The following SPN variants were observed in gnomAD, a reference collection of about 807,000 sequenced individuals.
The protein encoded by SPN is leukosialin.
In SPN, 6 loss-of-function variants were observed where a neutral mutation model predicts 8.4. The observed-to-expected ratio is 0.72, with a 90% confidence interval of 0.39 to 1.42. The LOEUF (loss-of-function observed/expected upper bound fraction) is 1.42, where lower values mean the gene tolerates loss of function less well. Among genes scored for constraint, SPN ranks in the 40% most tolerant of loss-of-function variants. The pLI is 0.02. For missense variants in SPN, 517 were observed against 530.6 expected (o/e 0.97, Z 0.25); for synonymous variants, 201 against 222.6 (o/e 0.90, Z 0.86).
Position 29,664,314 on chromosome 16 carries a change from A to T in SPN, c.586A>T (p.Thr196Ser). The change falls in exon 2 of 2, where the codon ACC becomes TCC. Residue 196 changes from threonine to serine, a missense_variant. Coordinates refer to ENST00000652691, the MANE Select transcript of SPN (RefSeq NM_003123.6). This position sits in a 1 kb window ranked among gnomAD's most constrained non-coding sequence, Gnocchi z 6.4. Reference sequence around the variant, plus strand: ...TACCATGGCAACTGACTCTCTGGAGACCTCCACTGGGACCACTGGACCCCC... The same window carrying T: ...TACCATGGCAACTGACTCTCTGGAGTCCTCCACTGGGACCACTGGACCCCC... ...PVTMATDSLE[T>S]STGTTGPPVT... 2 of 1,612,418 alleles carry T rather than the reference A, an allele frequency of 1.2e-6. No homozygotes were observed. The highest frequency in any genetic ancestry group is 2.2e-5 in the South Asian group (2 of 91,030).
chr16:29,665,008 C>G lies in SPN; in HGVS notation c.*77C>G, dbSNP rs1209059831. 6.3e-6 allele frequency: 8 copies of G among 1,274,924 alleles called. No homozygotes were observed. Among genetic ancestry groups the G allele is most frequent in the Non-Finnish European group, 7.0e-6 (7 of 1,003,262 alleles). The allele number at this position is 1,274,924 out of a possible 1,614,324, so 79.0% of individuals were successfully genotyped here. ...CCTTCCCTCTCACCATCCCACTGCC[C>G]CCTCGCTCCCATGTTTCCACCCGGC... On this transcript the variant is annotated 3_prime_UTR_variant, in exon 2 of 2. Transcript: ENST00000652691.
At position 29,667,222 on chromosome 16, in the gene SPN, G is replaced by A. The variant is rs918702536; in HGVS notation, c.*2291G>A. On this transcript the variant is annotated 3_prime_UTR_variant, in exon 2 of 2. Coordinates refer to ENST00000652691, the MANE Select transcript of SPN (RefSeq NM_003123.6). ...GCAGCTGCAGAATGACAGAGGCCAT[G>A]TCCAAAATCCCTTAGAGACACTGTT... The A allele has an allele frequency of 2.8e-6, 1 of 360,310 alleles. No homozygotes were observed. Among genetic ancestry groups the A allele is most frequent in the African/African-American group, 2.1e-5 (1 of 46,570 alleles). The allele number at this position is 360,310 out of a possible 1,614,324, so 22.3% of individuals were successfully genotyped here. A position where few individuals can be genotyped will look rare whatever the true frequency, so the allele number is the denominator to read the frequency against.
In SPN at chr16:29,664,617, A is replaced by G; in HGVS notation, c.889A>G (p.Asn297Asp). The G allele has an allele frequency of 6.3e-7, 1 of 1,596,888 alleles. No individual in the cohort carries two copies. Among genetic ancestry groups the G allele is most frequent in the Non-Finnish European group, 8.5e-7 (1 of 1,171,842 alleles). ...ALVLSRGGKR[N>D]GVVDAWAGPA... is the part of the protein sequence containing the mutation. ...CGTGCTGAGCAGAGGCGGCAAGCGTAACGGGGTGGTGGACGCCTGGGCTGG... is the reference window on the plus strand; with the variant it reads ...CGTGCTGAGCAGAGGCGGCAAGCGTGACGGGGTGGTGGACGCCTGGGCTGG... The change falls in exon 2 of 2, where the codon AAC becomes GAC. Residue 297 changes from asparagine to aspartate, a missense_variant. Asn to Asp is a conservative substitution (Grantham distance 23). Coordinates refer to ENST00000652691, the MANE Select transcript of SPN (RefSeq NM_003123.6). This position sits in a 1 kb window ranked among gnomAD's most constrained non-coding sequence, Gnocchi z 6.4.
In SPN at chr16:29,666,771, G is replaced by A. The variant is rs1467676711; in HGVS notation, c.*1840G>A. On this transcript the variant is annotated 3_prime_UTR_variant, in exon 2 of 2. Coordinates refer to ENST00000652691, the MANE Select transcript of SPN (RefSeq NM_003123.6). ...GCCTGGAGCCAGGGACTTCCCCTGT[G>A]GGGCCTGGGTGGAGAGGGGAGAACT... The A allele has an allele frequency of 2.5e-6, 1 of 404,758 alleles. No individual in the cohort carries two copies. Among genetic ancestry groups the A allele is most frequent in the East Asian group, 7.2e-5 (1 of 13,868 alleles). 25.1% of individuals were successfully genotyped at this position (404,758 alleles called of 1,614,324 possible).
Position 29,664,885 on chromosome 16 carries a change from C to A in SPN, c.1157C>A (p.Ala386Asp). ...LVASEDGAVD[A>D]PAPDEPEGGD... ...GCCAGTGAGGATGGGGCTGTGGACGCCCCAGCTCCTGATGAGCCCGAAGGG... is the reference window on the plus strand; with the variant it reads ...GCCAGTGAGGATGGGGCTGTGGACGACCCAGCTCCTGATGAGCCCGAAGGG... Residue 386 changes from alanine to aspartate, a missense_variant, in exon 2 of 2, where the codon GCC (alanine) becomes GAC (aspartate). Transcript: ENST00000652691. The surrounding 1 kb of genome is among the most constrained non-coding windows in gnomAD (Gnocchi z 6.4). 1 of 1,460,620 alleles carries A rather than the reference C, an allele frequency of 6.8e-7. No individual in the cohort carries two copies. Among genetic ancestry groups the A allele is most frequent in the Non-Finnish European group, 9.0e-7 (1 of 1,107,230 alleles). 90.5% of individuals were successfully genotyped at this position (1,460,620 alleles called of 1,614,324 possible).
chr16:29,666,723 C>A lies in SPN; in HGVS notation c.*1792C>A. 2.7e-6 allele frequency: 1 copy of A among 373,120 alleles called. No homozygotes were observed. The highest frequency in any genetic ancestry group is 5.6e-6 in the Non-Finnish European group (1 of 179,754). 23.1% of individuals were successfully genotyped at this position (373,120 alleles called of 1,614,324 possible). On this transcript the variant is annotated 3_prime_UTR_variant, in exon 2 of 2. Transcript: ENST00000652691. ...GCCCCTTCCATCCTCCAAGAGGAAC[C>A]AGTGAGAGTGAGTGAAGGAGGGGCC...
Position 29,665,043 on chromosome 16 carries a change from C to G in SPN, c.*112C>G. ...CATGTTTCCACCCGGCACCCTGATC[C>G]TCACCCGAATCTCCTTTTTTTTTTT... is the stretch of plus-strand genomic sequence containing the variant. On this transcript the variant is annotated 3_prime_UTR_variant, in exon 2 of 2. Coordinates refer to ENST00000652691, the MANE Select transcript of SPN (RefSeq NM_003123.6). The G allele has an allele frequency of 1.7e-6, 2 of 1,181,814 alleles. No individual in the cohort carries two copies. Among genetic ancestry groups the G allele is most frequent in the Non-Finnish European group, 2.2e-6 (2 of 926,464 alleles). The allele number at this position is 1,181,814 out of a possible 1,614,324, so 73.2% of individuals were successfully genotyped here.
At position 29,664,116 on chromosome 16, in the gene SPN, G is replaced by A. The variant is rs761473575; in HGVS notation, c.388G>A (p.Val130Met). The A allele has an allele frequency of 1.9e-5, 30 of 1,613,908 alleles. No homozygotes were observed. Among genetic ancestry groups the A allele is most frequent in the Middle Eastern group, 1.6e-4 (1 of 6,084 alleles). Residue 130 changes from valine (V) to methionine (M), a missense_variant, in exon 2 of 2, where the codon GTG becomes ATG. Physicochemically the swap from Val to Met is conservative, Grantham distance 21 (BLOSUM62 1). Transcript: ENST00000652691. The surrounding 1 kb of genome is among the most constrained non-coding windows in gnomAD (Gnocchi z 6.4). ...AGCAAACTCTCTAGGATCCCACACC[G>A]TGACAGGTGGAACCATAACAACGAA... ...ITANSLGSHTVTGGTITTNSP... is the reference protein window; with the variant it reads ...ITANSLGSHTMTGGTITTNSP...
In SPN at chr16:29,665,002, A is replaced by C; in HGVS notation, c.*71A>C. The C allele has an allele frequency of 7.8e-7, 1 of 1,285,102 alleles. No individual in the cohort carries two copies. The highest frequency in any genetic ancestry group is 9.9e-7 in the Non-Finnish European group (1 of 1,010,394). 79.6% of individuals were successfully genotyped at this position (1,285,102 alleles called of 1,614,324 possible). A position where few individuals can be genotyped will look rare whatever the true frequency, so the allele number is the denominator to read the frequency against. The stretch of plus-strand genomic sequence containing the variant: ...CCAGCACCTTCCCTCTCACCATCCC[A>C]CTGCCCCCTCGCTCCCATGTTTCCA... On this transcript the variant is annotated 3_prime_UTR_variant, in exon 2 of 2. Transcript: ENST00000652691.
Position 29,666,361 on chromosome 16 carries a change from G to A in SPN, c.*1430G>A, listed in dbSNP as rs945837983. ...CACTTCAGCCTGGGCAACAGAGTGA[G>A]CCCCTGTCTCAAAAAAGAAAAGAAA... On this transcript the variant is annotated 3_prime_UTR_variant, in exon 2 of 2. Coordinates refer to ENST00000652691, the MANE Select transcript of SPN (RefSeq NM_003123.6). The A allele has an allele frequency of 6.0e-6, 1 of 167,054 alleles. No individual in the cohort carries two copies. Among genetic ancestry groups the A allele is most frequent in the Non-Finnish European group, 1.5e-5 (1 of 68,834 alleles). The allele number at this position is 167,054 out of a possible 1,614,324, so 10.3% of individuals were successfully genotyped here. A position where few individuals can be genotyped will look rare whatever the true frequency, so the allele number is the denominator to read the frequency against.
Position 29,665,044 on chromosome 16 carries a change from T to C in SPN, c.*113T>C. 1 of 1,147,176 alleles carries C rather than the reference T, an allele frequency of 8.7e-7. No individual in the cohort carries two copies. Among genetic ancestry groups the C allele is most frequent in the Non-Finnish European group, 1.1e-6 (1 of 897,100 alleles). The allele number at this position is 1,147,176 out of a possible 1,614,324, so 71.1% of individuals were successfully genotyped here. On this transcript the variant is annotated 3_prime_UTR_variant, in exon 2 of 2. Coordinates refer to ENST00000652691, the MANE Select transcript of SPN (RefSeq NM_003123.6). ...ATGTTTCCACCCGGCACCCTGATCCTCACCCGAATCTCCTTTTTTTTTTTC... is the reference window on the plus strand; with the variant it reads ...ATGTTTCCACCCGGCACCCTGATCCCCACCCGAATCTCCTTTTTTTTTTTC...
Position 29,664,333 on chromosome 16 carries a change from GA to G in SPN, c.606del (p.Pro204LeufsTer4), listed in dbSNP as rs749588676. The G allele has an allele frequency of 6.2e-7, 1 of 1,613,482 alleles. No individual in the cohort carries two copies. Among genetic ancestry groups the G allele is most frequent in the Admixed American group, 1.7e-5 (1 of 60,006 alleles). Reference protein sequence around the residue: ...DSLETSTGTTGPPVTMTTGSL... With the variant: ...DSLETSTGTTXPPVTMTTGSL... ...CTGGAGACCTCCACTGGGACCACTG[GA>G]CCCCCTGTTACCATGACAACTGGCT... On this transcript the variant is annotated frameshift_variant, in exon 2 of 2. Transcript: ENST00000652691. LOFTEE classifies it high-confidence loss of function. The surrounding 1 kb of genome is among the most constrained non-coding windows in gnomAD (Gnocchi z 6.4).
Position 29,665,238 on chromosome 16 carries a change from T to G in SPN, c.*307T>G. 4.0e-6 allele frequency: 1 copy of G among 251,084 alleles called. No homozygotes were observed. The highest frequency in any genetic ancestry group is 7.7e-6 in the Non-Finnish European group (1 of 129,260). The allele number at this position is 251,084 out of a possible 1,614,324, so 15.6% of individuals were successfully genotyped here. On this transcript the variant is annotated 3_prime_UTR_variant, in exon 2 of 2. Coordinates refer to ENST00000652691, the MANE Select transcript of SPN (RefSeq NM_003123.6). Reference sequence around the variant, plus strand: ...CCCAGCTGCTTTTTTGTATTTTTGGTAGAGATGGGGTTTCACCATGTTGGC... The same window carrying G: ...CCCAGCTGCTTTTTTGTATTTTTGGGAGAGATGGGGTTTCACCATGTTGGC...
rs1228082592 is a variant in SPN at position 29,667,583 on chromosome 16, C to T, written c.*2652C>T. ...ATGAGGTCAGGAGTTTGAGACCAGCCTGGCCAATATGATGAAACCCCGTTT... is the reference window on the plus strand; with the variant it reads ...ATGAGGTCAGGAGTTTGAGACCAGCTTGGCCAATATGATGAAACCCCGTTT... On this transcript the variant is annotated 3_prime_UTR_variant, in exon 2 of 2. Transcript: ENST00000652691. 2 of 156,030 alleles carry T rather than the reference C, an allele frequency of 1.3e-5. No individual in the cohort carries two copies. The highest frequency in any genetic ancestry group is 2.9e-5 in the Non-Finnish European group (2 of 68,274). The allele number at this position is 156,030 out of a possible 1,614,324, so 9.7% of individuals were successfully genotyped here. A position where few individuals can be genotyped will look rare whatever the true frequency, so the allele number is the denominator to read the frequency against.
chr16:29,664,607 C>T lies in SPN; in HGVS notation c.879C>T (p.Gly293=), dbSNP rs1050881. 0.089 allele frequency: 142,011 copies of T among 1,602,388 alleles called. 11,764 individuals carry two copies. The highest frequency in any genetic ancestry group is 0.34 in the East Asian group (15,185 of 44,578). The change falls in exon 2 of 2, where the codon GGC becomes GGT. Residue 293 remains glycine (G), a synonymous_variant. Coordinates refer to ENST00000652691, the MANE Select transcript of SPN (RefSeq NM_003123.6). This position sits in a 1 kb window ranked among gnomAD's most constrained non-coding sequence, Gnocchi z 6.4. ...RRTGALVLSR[G]GKRNGVVDAW... ...CTGGGGCCCTCGTGCTGAGCAGAGGCGGCAAGCGTAACGGGGTGGTGGACG... is the reference window on the plus strand; with the variant it reads ...CTGGGGCCCTCGTGCTGAGCAGAGGTGGCAAGCGTAACGGGGTGGTGGACG...
chr16:29,666,520 TCTCTCACACACACACA>T lies in SPN; in HGVS notation c.*1591_*1606del, dbSNP rs1479424746. 7.5e-6 allele frequency: 1 copy of T among 132,872 alleles called. No individual in the cohort carries two copies. The highest frequency in any genetic ancestry group is 3.5e-5 in the African/African-American group (1 of 28,536). 8.2% of individuals were successfully genotyped at this position (132,872 alleles called of 1,614,324 possible). On this transcript the variant is annotated 3_prime_UTR_variant, in exon 2 of 2. Coordinates refer to ENST00000652691, the MANE Select transcript of SPN (RefSeq NM_003123.6). ...CATGTGCGCTCTCTCTCTCTCTCTC[TCTCTCACACACACACA>T]CACACACACACACACACGCGCGCGC...
Position 29,664,024 on chromosome 16 carries a change from C to A in SPN, c.296C>A (p.Ser99Tyr). Residue 99 changes from serine to tyrosine, a missense_variant, in exon 2 of 2, where the codon TCC becomes TAC. Physicochemically the swap from Ser to Tyr is moderately radical, Grantham distance 144 (BLOSUM62 -2). Coordinates refer to ENST00000652691, the MANE Select transcript of SPN (RefSeq NM_003123.6). This position sits in a 1 kb window ranked among gnomAD's most constrained non-coding sequence, Gnocchi z 6.4. ...LPEPTTYQEVSIKMSSVPQET... is the reference protein window; with the variant it reads ...LPEPTTYQEVYIKMSSVPQET... Reference sequence around the variant, plus strand: ...GAGCCAACAACCTACCAGGAAGTTTCCATCAAGATGTCATCAGTGCCCCAG... The same window carrying A: ...GAGCCAACAACCTACCAGGAAGTTTACATCAAGATGTCATCAGTGCCCCAG... The A allele has an allele frequency of 6.2e-7, 1 of 1,614,096 alleles. No individual in the cohort carries two copies.
At position 29,664,620 on chromosome 16, in the gene SPN, G is replaced by C. The variant is rs779504783; in HGVS notation, c.892G>C (p.Gly298Arg). Residue 298 changes from glycine to arginine, a missense_variant, in exon 2 of 2, where the codon GGG (glycine) becomes CGG (arginine). Physicochemically the swap from Gly to Arg is moderately radical, Grantham distance 125. Coordinates refer to ENST00000652691, the MANE Select transcript of SPN (RefSeq NM_003123.6). This position sits in a 1 kb window ranked among gnomAD's most constrained non-coding sequence, Gnocchi z 6.4. ...GCTGAGCAGAGGCGGCAAGCGTAACGGGGTGGTGGACGCCTGGGCTGGGCC... is the reference window on the plus strand; with the variant it reads ...GCTGAGCAGAGGCGGCAAGCGTAACCGGGTGGTGGACGCCTGGGCTGGGCC... Reference protein sequence around the residue: ...LVLSRGGKRNGVVDAWAGPAQ... With the variant: ...LVLSRGGKRNRVVDAWAGPAQ... 1 of 1,594,122 alleles carries C rather than the reference G, an allele frequency of 6.3e-7. No individual in the cohort carries two copies. The highest frequency in any genetic ancestry group is 1.7e-5 in the Admixed American group (1 of 57,158).
At position 29,664,517 on chromosome 16, in the gene SPN, CCTGCTGGCGGTCATAGTCCTCGTGGCT is replaced by C. The variant is rs1300689856; in HGVS notation, c.795_821del (p.Ala266_Leu274del). 1 of 1,614,128 alleles carries C rather than the reference CCTGCTGGCGGTCATAGTCCTCGTGGCT, an allele frequency of 6.2e-7. No homozygotes were observed. Among genetic ancestry groups the C allele is most frequent in the Non-Finnish European group, 8.5e-7 (1 of 1,180,008 alleles). ...TGCTGCCAGTGGCTGTGCTTGTGGC[CCTGCTGGCGGTCATAGTCCTCGTGGCT>C]CTGCTCCTGCTGTGGCGCCGGCGGC... is the stretch of plus-strand genomic sequence containing the variant. On this transcript the variant is annotated inframe_deletion, in exon 2 of 2. Coordinates refer to ENST00000652691, the MANE Select transcript of SPN (RefSeq NM_003123.6). The surrounding 1 kb of genome is among the most constrained non-coding windows in gnomAD (Gnocchi z 6.4).
Sources: gnomAD v4.1 joint callset for allele counts on GRCh38, gnomAD v4.1.1 for gene constraint, Gnocchi (gnomAD v3.1) non-coding constraint, MANE v1.5 for transcripts, NCBI Gene and HGNC (gene_info 2026-07-23, HGNC 2026-07-21) for gene names.